Variants in LAMA2 observed in about 807,000 individuals in gnomAD.
LAMA2 encodes laminin subunit alpha 2.
In LAMA2, 269 loss-of-function variants were observed where a neutral mutation model predicts 364.8. The observed-to-expected ratio is 0.74, with a 90% confidence interval of 0.67 to 0.82. The LOEUF (loss-of-function observed/expected upper bound fraction) is 0.82, where lower values mean the gene tolerates loss of function less well. Among genes scored for constraint, LAMA2 ranks in the 40% least tolerant of loss-of-function variants. LAMA2 has a pLI of 0.00. For synonymous variants in LAMA2, 1,379 were observed against 1,370.6 expected, an observed-to-expected ratio of 1.01 and a Z score of -0.14; for missense variants, 3,807 against 3,873.2, an observed-to-expected ratio of 0.98 and a Z score of 0.45.
At chr6:129,252,332 T>C in intron 14 of LAMA2, 37 bp downstream of exon 14, 1 of 1,534,712 alleles carries the variant, frequency 6.5e-7, no homozygotes, top group East Asian at 2.3e-5. Flanking sequence ...GTTCACACAT[T>C]TACTTTGGGG....
intron 9 of LAMA2, among the ~76,000 whole-genome samples, chr6:129,166,321 G>A (rs544100315): frequency 7.9e-5 from 12 of 152,238 alleles, no homozygotes; most frequent in African/African-American, 2.2e-4. Context: ...GCAGTTGCTC[G>A]CCAAGTTTAA....
At chr6:129,290,756 C>T (rs1789636797) in intron 19 of LAMA2, among the ~76,000 whole-genome samples, 1 of 152,088 alleles carries the variant, frequency 6.6e-6, no homozygotes, top group African/African-American at 2.4e-5. Context: ...GTCACTTAAG[C>T]TTTAGACTGA....
chr6:128,993,542 G>A (rs1783737358), intron 1 of LAMA2, among the ~76,000 whole-genome samples: 1 of 152,162 alleles, frequency 6.6e-6, no homozygotes, highest in Non-Finnish European at 1.5e-5. Flanking sequence ...AAGACACTCT[G>A]CCTGTATCCT....
intron 13 of LAMA2, among the ~76,000 whole-genome samples, chr6:129,251,050 C>CTG (rs1786166114): frequency 1.6e-5 from 1 of 64,162 alleles, no homozygotes; most frequent in Non-Finnish European, 3.4e-5. Context: ...TTCTCTCTCT[C>CTG]TCTCTCTCTC....
At chr6:129,350,176 G>A (rs1473369783) in intron 31 of LAMA2, among the ~76,000 whole-genome samples, 3 of 152,168 alleles carry the variant, frequency 2.0e-5, no homozygotes, top group Non-Finnish European at 4.4e-5. Flanking sequence ...GTAACAGAGA[G>A]TTACTAATGT....
intron 1 of LAMA2, among the ~76,000 whole-genome samples, chr6:128,923,608 T>G (rs1014028306): frequency 1.3e-5 from 2 of 152,140 alleles, no homozygotes; most frequent in African/African-American, 4.8e-5. Flanking sequence ...AAGATATAGA[T>G]AGTAGAATGA....
chr6:128,985,247 A>C (rs1783151044), intron 1 of LAMA2, among the ~76,000 whole-genome samples: 1 of 152,138 alleles, frequency 6.6e-6, no homozygotes, highest in Non-Finnish European at 1.5e-5. Flanking sequence ...TGCTGTTGTA[A>C]AATACAGATT....
intron 42 of LAMA2, among the ~76,000 whole-genome samples, chr6:129,439,152 C>T (rs1024699815): frequency 1.3e-5 from 2 of 151,874 alleles, no homozygotes; most frequent in Admixed American, 6.6e-5. Flanking sequence ...TATGCATAGC[C>T]TCCCATATAC....
intron 34 of LAMA2, among the ~76,000 whole-genome samples, chr6:129,377,133 CTATT>C (rs1318924971): frequency 5.9e-5 from 9 of 151,968 alleles, no homozygotes; most frequent in South Asian, 2.1e-4. Flanking sequence ...CACCTCTTAA[CTATT>C]TATATTCTGT....
intron 28 of LAMA2, among the ~76,000 whole-genome samples, chr6:129,324,483 C>T (rs148927496): frequency 6.6e-6 from 1 of 152,310 alleles, no homozygotes; most frequent in Non-Finnish European, 1.5e-5. Context: ...GTTTCCAAAA[C>T]CTAGGTAAAC....
chr6:129,198,880 T>A (rs1298489564), intron 12 of LAMA2, among the ~76,000 whole-genome samples: 1 of 152,088 alleles, frequency 6.6e-6, no homozygotes, highest in Non-Finnish European at 1.5e-5. Flanking sequence ...AAATAAACCT[T>A]CCAATGAAGT....
chr6:129,482,697 G>A (rs1196189653), intron 55 of LAMA2, among the ~76,000 whole-genome samples: 3 of 152,088 alleles, frequency 2.0e-5, no homozygotes, highest in Non-Finnish European at 4.4e-5. Context: ...TTCACAAAGA[G>A]AACCCAAAGA....
intron 45 of LAMA2, among the ~76,000 whole-genome samples, chr6:129,447,737 C>T (rs540827974): frequency 6.6e-6 from 1 of 152,230 alleles, no homozygotes; most frequent in African/African-American, 2.4e-5. Context: ...CCAACTATAG[C>T]TGTGGCAAGA....
chr6:129,351,409 G>A (rs185544252), intron 31 of LAMA2, among the ~76,000 whole-genome samples: 1 of 152,274 alleles, frequency 6.6e-6, no homozygotes, highest in Admixed American at 6.5e-5. Context: ...AGTATCAAAT[G>A]TGAGTGACTT....
rs139311519 is a variant in LAMA2, at chr6:129,508,840, T to G, written c.8857+1198T>G. 5.9e-3 allele frequency among the ~76,000 whole-genome samples: 896 copies of G among 152,318 alleles called. 10 individuals carry two copies. Among genetic ancestry groups the G allele is most frequent in the African/African-American group, 0.021 (869 of 41,578 alleles). On this transcript the variant is annotated intron_variant, in intron 62 of 64. Transcript: ENST00000421865. ...CAATAAACGTGGGAGTGCAGATATCTCTTCAATATTCTTTTGGGTATATAT... is the reference window on the plus strand; with the variant it reads ...CAATAAACGTGGGAGTGCAGATATCGCTTCAATATTCTTTTGGGTATATAT...
chr6:129,102,680 G>A (rs1344947723), intron 4 of LAMA2, among the ~76,000 whole-genome samples: 1 of 151,924 alleles, frequency 6.6e-6, no homozygotes, highest in South Asian at 2.1e-4. Context: ...ACATTCTTGT[G>A]TGCCTGATTA....
intron 1 of LAMA2, among the ~76,000 whole-genome samples, chr6:128,892,229 T>C (rs1453996127): frequency 6.6e-6 from 1 of 151,960 alleles, no homozygotes. Flanking sequence ...TGCCAAGAGA[T>C]TGAATAATTC....
intron 12 of LAMA2, among the ~76,000 whole-genome samples, chr6:129,246,003 T>A (rs1785725728): frequency 6.6e-6 from 1 of 152,222 alleles, no homozygotes; most frequent in African/African-American, 2.4e-5. Flanking sequence ...CACAGTTCTA[T>A]TTCTTAAGTA....
At chr6:129,461,157 C>A (rs1216847066) in intron 49 of LAMA2, among the ~76,000 whole-genome samples, 1 of 151,914 alleles carries the variant, frequency 6.6e-6, no homozygotes, top group Non-Finnish European at 1.5e-5. Flanking sequence ...ACTTTAAATA[C>A]CTGCAAAGTT....
Sources: allele counts gnomAD v4.1 joint callset (sites outside exome capture counted in the v4.1 genomes callset), GRCh38; gene constraint gnomAD v4.1.1; transcripts MANE v1.5; gene names NCBI Gene and HGNC (gene_info 2026-07-23, HGNC 2026-07-21).